The following GMDS variants were observed in gnomAD, a reference collection of about 807,000 sequenced individuals.
GMDS encodes the protein GDP-mannose 4,6 dehydratase.
A neutral mutation model predicts 49.9 loss-of-function variants in GMDS; 20 were observed. That is an observed-to-expected ratio of 0.40 (90% CI 0.28 to 0.58). GMDS has a LOEUF of 0.58. Ranked by LOEUF, GMDS falls within the 20% of genes least tolerant of loss-of-function variation. GMDS has a pLI of 0.42. For synonymous variants in GMDS, 177 were observed against 178.6 expected (o/e 0.99, Z 0.07); for missense variants, 362 against 481.4 (o/e 0.75, Z 2.32).
At chr6:1,750,404 G>A (rs1561780013) in intron 7 of GMDS, among the ~76,000 whole-genome samples, 1 of 152,176 alleles carries the variant, frequency 6.6e-6, no homozygotes, top group Non-Finnish European at 1.5e-5. Flanking sequence ...ATTGGGACTG[G>A]TTAGACAGTG....
intron 4 of GMDS, among the ~76,000 whole-genome samples, chr6:1,977,078 G>C (rs1764946313): frequency 6.6e-6 from 1 of 152,122 alleles, no homozygotes; most frequent in African/African-American, 2.4e-5. Context: ...ATAGAAATTA[G>C]TTCAAAGTAA....
intron 7 of GMDS, among the ~76,000 whole-genome samples, chr6:1,744,426 G>A (rs929451223): frequency 6.6e-6 from 1 of 152,184 alleles, no homozygotes; most frequent in African/African-American, 2.4e-5. Context: ...TTGGTGAACT[G>A]AGCCACAAGA....
At chr6:1,874,391 C>G (rs556072556) in intron 7 of GMDS, among the ~76,000 whole-genome samples, 2 of 152,144 alleles carry the variant, frequency 1.3e-5, no homozygotes, top group Non-Finnish European at 2.9e-5. Context: ...CAAGTACTAT[C>G]AAAATCCCAT....
At chr6:1,655,077 AAT>A (rs1372529210) in intron 9 of GMDS, among the ~76,000 whole-genome samples, 10 of 145,346 alleles carry the variant, frequency 6.9e-5, no homozygotes, top group Non-Finnish European at 1.2e-4. Flanking sequence ...AAAAAAAAAA[AAT>A]TCCACTGATA....
At chr6:1,684,942 C>T (rs574836586) in intron 9 of GMDS, among the ~76,000 whole-genome samples, 2 of 152,216 alleles carry the variant, frequency 1.3e-5, no homozygotes, top group South Asian at 4.1e-4. Context: ...CCACTGAAGC[C>T]ACAATGATGT....
intron 7 of GMDS, among the ~76,000 whole-genome samples, chr6:1,862,129 T>G (rs764126968): frequency 5.9e-5 from 9 of 151,980 alleles, no homozygotes; most frequent in African/African-American, 2.2e-4. Context: ...AGGAAGGGAG[T>G]TGATGATGAG....
chr6:2,146,519 G>A (rs947221607), intron 1 of GMDS, among the ~76,000 whole-genome samples: 22 of 152,126 alleles, frequency 1.4e-4, no homozygotes, highest in Non-Finnish European at 3.2e-4. Context: ...CAGGAATTAT[G>A]TTATATTACA....
intron 7 of GMDS, among the ~76,000 whole-genome samples, chr6:1,770,518 C>T (rs1480333265): frequency 3.9e-5 from 6 of 152,242 alleles, no homozygotes; most frequent in African/African-American, 1.2e-4. Flanking sequence ...CTGGGATGGC[C>T]GTTTCCTCCT....
intron 9 of GMDS, among the ~76,000 whole-genome samples, chr6:1,653,681 C>G (rs1054453554): frequency 1.3e-5 from 2 of 152,124 alleles, no homozygotes; most frequent in Non-Finnish European, 2.9e-5. Context: ...AACAAGGGTA[C>G]CAAGACCACA....
Position 2,245,444 on chromosome 6 carries a change from C to CGGCGGCA in GMDS, c.-29_-23dup. The stretch of plus-strand genomic sequence containing the variant: ...CCATGTCCCGCGGCGGGCGTGCGGT[C>CGGCGGCA]GGCGGCAGGGCGGAGCGCGGCAGAG... On this transcript the variant is annotated 5_prime_UTR_variant, in exon 1 of 11. Transcript: ENST00000380815. 7.1e-7 allele frequency: 1 copy of CGGCGGCA among 1,414,620 alleles called. No homozygotes were observed. The highest frequency in any genetic ancestry group is 9.2e-7 in the Non-Finnish European group (1 of 1,084,662). 87.6% of individuals were successfully genotyped at this position (1,414,620 alleles called of 1,614,324 possible).
chr6:2,125,966 T>C (rs1320948664), intron 1 of GMDS, among the ~76,000 whole-genome samples: 1 of 152,210 alleles, frequency 6.6e-6, no homozygotes, highest in Non-Finnish European at 1.5e-5. Flanking sequence ...TATAGCTAAT[T>C]CCTGCCTTAA....
rs1771275926 is a variant in GMDS at position 1,829,779 on chromosome 6, A to G, written c.772-87193T>C. 2.0e-5 allele frequency among the ~76,000 whole-genome samples: 3 copies of G among 152,218 alleles called. No homozygotes were observed. The South Asian group carries it at 6.2e-4, about 32-fold the overall frequency. ...TTTAATGAATCTTCTTATTAGGTGG[A>G]CGGGGGGAATCAAATCATCATCAAA... On this transcript the variant is annotated intron_variant, in intron 7 of 10. Transcript: ENST00000380815.
chr6:1,830,943 A>T (rs2113724825), intron 7 of GMDS, among the ~76,000 whole-genome samples: 1 of 152,344 alleles, frequency 6.6e-6, no homozygotes, highest in East Asian at 1.9e-4. Context: ...ATGTCTAGGA[A>T]ACTATTTGCC....
chr6:1,857,785 T>A (rs3778540), intron 7 of GMDS, among the ~76,000 whole-genome samples: 79,042 of 152,064 alleles, frequency 0.52, 22,528 homozygotes, highest in Admixed American at 0.64. Context: ...AAAAATCATA[T>A]ATATGGCTGC....
At chr6:1,858,249 C>T (rs1355723315) in intron 7 of GMDS, among the ~76,000 whole-genome samples, 1 of 152,128 alleles carries the variant, frequency 6.6e-6, no homozygotes, top group Non-Finnish European at 1.5e-5. Flanking sequence ...CGTTACCCCT[C>T]ATTTCTTGCA....
At chr6:1,963,459 C>G (rs566480419) in intron 4 of GMDS, among the ~76,000 whole-genome samples, 3 of 152,172 alleles carry the variant, frequency 2.0e-5, no homozygotes, top group Admixed American at 2.0e-4. Context: ...GAATACTTTA[C>G]TTAACCCAAG....
chr6:2,146,420 G>A (rs145391329), intron 1 of GMDS, among the ~76,000 whole-genome samples: 2 of 152,240 alleles, frequency 1.3e-5, no homozygotes, highest in East Asian at 3.9e-4. Flanking sequence ...ACTGAAGAAT[G>A]GTAAAAATGG....
At chr6:1,966,852 C>A (rs1764289252) in intron 4 of GMDS, among the ~76,000 whole-genome samples, 2 of 152,182 alleles carry the variant, frequency 1.3e-5, no homozygotes. Context: ...CTGCACAGTT[C>A]ACTGAAATTT....
At chr6:1,708,082 C>T (rs998648647) in intron 9 of GMDS, among the ~76,000 whole-genome samples, 9 of 152,236 alleles carry the variant, frequency 5.9e-5, no homozygotes, top group African/African-American at 1.4e-4. Flanking sequence ...AGCACTCATC[C>T]GATTTTAATG....
Sources: allele counts gnomAD v4.1 joint callset (sites outside exome capture counted in the v4.1 genomes callset), GRCh38; gene constraint gnomAD v4.1.1; transcripts MANE v1.5; gene names NCBI Gene and HGNC (gene_info 2026-07-23, HGNC 2026-07-21).